DGKD: variants seen among roughly 807,000 people sequenced by gnomAD.
DGKD encodes the protein DAG kinase delta.
In DGKD, 68 loss-of-function variants were observed where a neutral mutation model predicts 154.4. The observed-to-expected ratio is 0.44, with a 90% CI of 0.36 to 0.54. DGKD has a LOEUF of 0.54. DGKD is among the 20% of genes least tolerant of loss of function. DGKD has a pLI of 0.00. For synonymous variants in DGKD, 693 were observed against 638.0 expected (o/e 1.09, Z -1.30); for missense variants, 1,343 against 1,593.6 (o/e 0.84, Z 2.68).
intron 1 of DGKD, among the ~76,000 whole-genome samples, chr2:233,376,291 A>G (rs1702570630): frequency 6.6e-6 from 1 of 152,212 alleles, no homozygotes; most frequent in Non-Finnish European, 1.5e-5. Flanking sequence ...GACATAAAAA[A>G]TGTTTTTCAT....
Position 233,459,120 on chromosome 2 carries a change from C to T in DGKD, c.2695-637C>T, listed in dbSNP as rs901863820. On this transcript the variant is annotated intron_variant, in intron 22 of 29. Coordinates refer to ENST00000264057, the MANE Select transcript of DGKD (RefSeq NM_152879.3). The surrounding 1 kb of genome is among the most constrained non-coding windows in gnomAD (Gnocchi z 5.7). ...CGAGTGGTGAAGGGCTGGGGGTGCC[C>T]CCATGGCTTATTTCTGACAGCAGCG... 6.6e-6 allele frequency among the ~76,000 whole-genome samples: 1 copy of T among 152,110 alleles called. No individual in the cohort carries two copies. Among genetic ancestry groups the T allele is most frequent in the Non-Finnish European group, 1.5e-5 (1 of 68,024 alleles).
Position 233,456,911 on chromosome 2 carries a change from G to A in DGKD, c.2388G>A (p.Lys796=), listed in dbSNP as rs960592219. Residue 796 remains lysine, a synonymous_variant, in exon 20 of 30, where the codon AAG becomes AAA. Transcript: ENST00000264057. ...EHPEKCRSRT[K]NMMWYGVLGT... ...CTTCTGTTTCTAGGAGCCGAACCAA[G>A]AACATGATGTGGTATGGAGTTCTTG... The A allele has an allele frequency of 3.1e-6, 5 of 1,614,128 alleles. No individual in the cohort carries two copies. The African/African-American group carries it at 4.0e-5, about 13-fold the overall frequency.
At chr2:233,367,180 A>G (rs2125389325) in intron 1 of DGKD, among the ~76,000 whole-genome samples, 1 of 151,080 alleles carries the variant, frequency 6.6e-6, no homozygotes, top group East Asian at 1.9e-4. Flanking sequence ...CTACCTGCCT[A>G]TAACATCAAC....
intron 3 of DGKD, among the ~76,000 whole-genome samples, chr2:233,415,097 T>C (rs1475666259): frequency 1.3e-5 from 2 of 152,220 alleles, no homozygotes; most frequent in Non-Finnish European, 2.9e-5. Flanking sequence ...CTTTGGACTC[T>C]GTCCCTGCTG....
At chr2:233,463,895 CAG>C (rs1176491261) in intron 26 of DGKD, 1 of 446,710 alleles carries the variant, frequency 2.2e-6, no homozygotes, top group African/African-American at 1.9e-5. Flanking sequence ...CCATTTCTGA[CAG>C]AGGGACACAA....
chr2:233,462,762 G>A (rs1352129978), intron 26 of DGKD, 27 bp downstream of exon 26: 2 of 1,600,204 alleles, frequency 1.2e-6, no homozygotes, highest in Non-Finnish European at 1.7e-6. Context: ...GGGACAGCAG[G>A]GCTCGGGCTG....
At position 233,457,997 on chromosome 2, in the gene DGKD, TTGGCCCTACTGA is replaced by T. The variant is rs1014017459; in HGVS notation, c.2581-279_2581-268del. On this transcript the variant is annotated intron_variant, in intron 21 of 29. Transcript: ENST00000264057. This position sits in a 1 kb window ranked among gnomAD's most constrained non-coding sequence, Gnocchi z 5.5. ...CTGGCACTCTGCAGCGTTAACTCAC[TTGGCCCTACTGA>T]TGGCCCTGGAGGAGCGTGCCGTTAG... 3.9e-5 allele frequency among the ~76,000 whole-genome samples: 6 copies of T among 152,208 alleles called. No homozygotes were observed. The highest frequency in any genetic ancestry group is 7.3e-5 in the Non-Finnish European group (5 of 68,032).
chr2:233,432,955 G>A (rs1024708917), intron 3 of DGKD, among the ~76,000 whole-genome samples: 2 of 152,188 alleles, frequency 1.3e-5, no homozygotes, highest in Non-Finnish European at 1.5e-5. Flanking sequence ...AAATGCTGGC[G>A]AGGATGTGGA....
At chr2:233,410,189 GATGTTTGGAAA>G (rs1575065454) in intron 3 of DGKD, among the ~76,000 whole-genome samples, 2 of 152,110 alleles carry the variant, frequency 1.3e-5, no homozygotes, top group African/African-American at 4.8e-5. Context: ...AAGATAATTA[GATGTTTGGAAA>G]ATAGTTAAGA....
At chr2:233,391,616 G>T (rs1450070091) in intron 3 of DGKD, among the ~76,000 whole-genome samples, 1 of 152,086 alleles carries the variant, frequency 6.6e-6, no homozygotes, top group Non-Finnish European at 1.5e-5. Context: ...ATGTTATTAG[G>T]CCATCCCATG....
At chr2:233,382,864 G>A (rs1311951791) in intron 1 of DGKD, among the ~76,000 whole-genome samples, 5 of 152,194 alleles carry the variant, frequency 3.3e-5, no homozygotes, top group South Asian at 2.1e-4. Flanking sequence ...ACCCACCTGC[G>A]CGGCTGAGTG....
chr2:233,358,015 G>A (rs1388779934), intron 1 of DGKD, among the ~76,000 whole-genome samples: 3 of 152,140 alleles, frequency 2.0e-5, no homozygotes, highest in Admixed American at 2.0e-4. Context: ...ATTTGTGATG[G>A]CCATTTATCA....
intron 3 of DGKD, among the ~76,000 whole-genome samples, chr2:233,414,325 G>A (rs1036458606): frequency 3.3e-5 from 5 of 152,208 alleles, no homozygotes; most frequent in African/African-American, 7.2e-5. Flanking sequence ...AGCAGCAGCC[G>A]TAGAGGTTGG....
intron 3 of DGKD, among the ~76,000 whole-genome samples, chr2:233,425,707 T>A (rs2062274145): frequency 1.3e-5 from 2 of 152,230 alleles, no homozygotes; most frequent in South Asian, 4.1e-4. Context: ...TAAGAACATG[T>A]AGAGTAGCTT....
chr2:233,456,266 G>A (rs2063458151), intron 19 of DGKD, among the ~76,000 whole-genome samples: 1 of 152,244 alleles, frequency 6.6e-6, no homozygotes, highest in Admixed American at 6.5e-5. Context: ...AAGGGGATTG[G>A]TTCGATAAGC....
In DGKD at chr2:233,441,757, T is replaced by TGTGC. The variant is rs1314551253; in HGVS notation, c.1086-125_1086-122dup. 21 of 768,066 alleles carry TGTGC rather than the reference T, an allele frequency of 2.7e-5. No homozygotes were observed. Among genetic ancestry groups the TGTGC allele is most frequent in the Non-Finnish European group, 4.5e-5 (21 of 467,518 alleles). 47.6% of individuals were successfully genotyped at this position (768,066 alleles called of 1,614,324 possible). ...GCGGCTGGTGTCACGTGGCAGGGCC[T>TGTGC]GTGCGTGCTCTGCCTCTGGTGCAGG... On this transcript the variant is annotated intron_variant, in intron 9 of 29. Transcript: ENST00000264057. The surrounding 1 kb of genome is among the most constrained non-coding windows in gnomAD (Gnocchi z 5.6).
intron 1 of DGKD, among the ~76,000 whole-genome samples, chr2:233,374,787 G>A (rs189140449): frequency 2.4e-4 from 36 of 151,948 alleles, no homozygotes; most frequent in African/African-American, 6.8e-4. Flanking sequence ...GACTGCAGGC[G>A]TATGCCACCA....
Position 233,397,212 on chromosome 2 carries a change from GGGGGT to G in DGKD, c.348+6731_348+6735del, listed in dbSNP as rs1162883445. On this transcript the variant is annotated intron_variant, in intron 3 of 29. Transcript: ENST00000264057. ...AGGGGACCAGGGTGGCTGGGGGGGG[GGGGGT>G]GCCAGAGTGAGAGGACTCCAGAGGG... 2.1e-4 allele frequency among the ~76,000 whole-genome samples: 10 copies of G among 46,744 alleles called. 1 individual carries two copies. The highest frequency in any genetic ancestry group is 1.3e-3 in the Admixed American group (6 of 4,554). The allele number at this position is 46,744 out of a possible 152,430, so 30.7% of individuals were successfully genotyped here. A position where few individuals can be genotyped will look rare whatever the true frequency, so the allele number is the denominator to read the frequency against.
At position 233,449,998 on chromosome 2, in the gene DGKD, T is replaced by C. The variant is rs1415268531; in HGVS notation, c.1905T>C (p.Asn635=). 2.5e-6 allele frequency: 4 copies of C among 1,605,212 alleles called. No individual in the cohort carries two copies. The highest frequency in any genetic ancestry group is 3.4e-6 in the Non-Finnish European group (4 of 1,175,728). The change falls in exon 16 of 30, where the codon AAT becomes AAC. Residue 635 remains asparagine (N), a synonymous_variant. Coordinates refer to ENST00000264057, the MANE Select transcript of DGKD (RefSeq NM_152879.3). This position sits in a 1 kb window ranked among gnomAD's most constrained non-coding sequence, Gnocchi z 5.3. ...EHTEKAVDEQ[N]AQTQEQEGFV... ...CTTGCACAGCTGTCGATGAGCAGAA[T>C]GCCCAGACCCAGGAGCAGGAGGGCT...
Sources: gnomAD v4.1 joint callset for allele counts (sites outside exome capture counted in the v4.1 genomes callset) on GRCh38, gnomAD v4.1.1 for gene constraint, Gnocchi (gnomAD v3.1) non-coding constraint, MANE v1.5 for transcripts, NCBI Gene and HGNC (gene_info 2026-07-23, HGNC 2026-07-21) for gene names.